RELN: variants seen among roughly 807,000 people sequenced by gnomAD.
RELN encodes reelin.
A neutral mutation model predicts 427.6 loss-of-function variants in RELN; 108 were observed. The observed-to-expected ratio is 0.25, with a 90% CI of 0.22 to 0.30. The LOEUF (loss-of-function observed/expected upper bound fraction) is 0.30, where lower values mean the gene tolerates loss of function less well. Among genes scored for constraint, RELN ranks in the 10% least tolerant of loss-of-function variants. RELN has a pLI of 1.00. For missense variants in RELN, 3,715 were observed against 4,302.8 expected (o/e 0.86, Z 3.82); for synonymous variants, 1,524 against 1,513.4 (o/e 1.01, Z -0.16).
chr7:103,857,419 T>A (rs1409268316), intron 2 of RELN, among the ~76,000 whole-genome samples: 1 of 152,220 alleles, frequency 6.6e-6, no homozygotes, highest in African/African-American at 2.4e-5. Flanking sequence ...TTGCCCTCTT[T>A]TAAGCAGACT....
chr7:103,769,311 T>A (rs1234757484), intron 4 of RELN, among the ~76,000 whole-genome samples: 1 of 152,160 alleles, frequency 6.6e-6, no homozygotes, highest in Non-Finnish European at 1.5e-5. Flanking sequence ...AAGGTCCTTA[T>A]TAAGGAGGTT....
At chr7:103,763,108 T>G (rs961670068) in intron 4 of RELN, among the ~76,000 whole-genome samples, 1 of 152,168 alleles carries the variant, frequency 6.6e-6, no homozygotes, top group Non-Finnish European at 1.5e-5. Context: ...TACAGGACAG[T>G]GAGCAATAAA....
At chr7:103,980,228 T>C (rs1796964045) in intron 1 of RELN, among the ~76,000 whole-genome samples, 1 of 151,886 alleles carries the variant, frequency 6.6e-6, no homozygotes, top group African/African-American at 2.4e-5. Context: ...TTTAAAAAGG[T>C]TGTAAATCAC....
intron 1 of RELN, among the ~76,000 whole-genome samples, chr7:103,924,679 G>C (rs899263369): frequency 2.6e-5 from 4 of 152,128 alleles, no homozygotes; most frequent in Admixed American, 6.5e-5. Flanking sequence ...TACTGATTCA[G>C]AGATTCAGAT....
intron 2 of RELN, among the ~76,000 whole-genome samples, chr7:103,911,203 A>G (rs1220285154): frequency 5.7e-5 from 8 of 140,824 alleles, no homozygotes; most frequent in African/African-American, 2.0e-4. Flanking sequence ...GAGCATGAAC[A>G]GACACTTCTC....
intron 6 of RELN, among the ~76,000 whole-genome samples, chr7:103,740,171 T>G (rs1181650156): frequency 6.6e-6 from 1 of 152,162 alleles, no homozygotes; most frequent in African/African-American, 2.4e-5. Flanking sequence ...CAGAGTTGAC[T>G]GAAATTAAGT....
intron 4 of RELN, among the ~76,000 whole-genome samples, chr7:103,767,897 C>A (rs1048952852): frequency 6.6e-5 from 10 of 152,200 alleles, no homozygotes; most frequent in Admixed American, 5.2e-4. Flanking sequence ...AGCCTCTTCC[C>A]CCCTCCATCC....
intron 30 of RELN, among the ~76,000 whole-genome samples, 184 bp from the exon 31 acceptor site, chr7:103,572,444 G>A (rs1277675160): frequency 6.6e-6 from 1 of 152,152 alleles, no homozygotes; most frequent in Non-Finnish European, 1.5e-5. Flanking sequence ...CCATTTAGAA[G>A]AAGTTAATTA....
intron 16 of RELN, among the ~76,000 whole-genome samples, chr7:103,648,463 T>C (rs1832842077): frequency 6.6e-6 from 1 of 152,090 alleles, no homozygotes; most frequent in African/African-American, 2.4e-5. Flanking sequence ...GGTAGTTCTT[T>C]ATAGCAGTGC....
At chr7:103,631,940 T>A (rs1384208676) in intron 19 of RELN, among the ~76,000 whole-genome samples, 2 of 152,254 alleles carry the variant, frequency 1.3e-5, no homozygotes, top group East Asian at 3.9e-4. Flanking sequence ...TAATATTCTC[T>A]CTCATGAAAA....
chr7:103,796,664 C>A (rs1358916317), intron 3 of RELN, among the ~76,000 whole-genome samples: 3 of 151,990 alleles, frequency 2.0e-5, no homozygotes, highest in African/African-American at 7.2e-5. Context: ...AGGCCAGGAC[C>A]AGCCTGGCCA....
chr7:103,951,050 C>T (rs1283161944), intron 1 of RELN, among the ~76,000 whole-genome samples: 1 of 152,192 alleles, frequency 6.6e-6, no homozygotes, highest in Non-Finnish European at 1.5e-5. Context: ...CTACCTCAGC[C>T]TCCTGAGTAG....
At chr7:103,663,614 CCTTGTA>C (rs1478168787) in intron 11 of RELN, among the ~76,000 whole-genome samples, 5 of 152,170 alleles carry the variant, frequency 3.3e-5, no homozygotes, top group African/African-American at 1.2e-4. Context: ...CTCAAAGTCC[CCTTGTA>C]CTTGTACTTA....
At chr7:103,917,051 T>A (rs749455359) in intron 2 of RELN, 24 bp downstream of exon 2, 2 of 1,560,450 alleles carry the variant, frequency 1.3e-6, no homozygotes, top group South Asian at 2.2e-5. Context: ...ACCCCCAAAT[T>A]TCTGGTTTGT....
At chr7:103,777,305 T>G (rs1584485054) in intron 3 of RELN, among the ~76,000 whole-genome samples, 1 of 152,152 alleles carries the variant, frequency 6.6e-6, no homozygotes, top group East Asian at 1.9e-4. Context: ...TAATTATGCT[T>G]TATATATGAA....
chr7:103,909,858 C>A (rs979921714), intron 2 of RELN, among the ~76,000 whole-genome samples: 4 of 114,516 alleles, frequency 3.5e-5, no homozygotes, highest in Non-Finnish European at 3.2e-5. Flanking sequence ...TTAAATAATT[C>A]ATTTTGTAAT....
intron 41 of RELN, among the ~76,000 whole-genome samples, chr7:103,547,377 A>G (rs894515367): frequency 1.3e-5 from 2 of 152,104 alleles, no homozygotes; most frequent in African/African-American, 4.8e-5. Flanking sequence ...GCTCACTGCA[A>G]CCTCCACCTC....
At chr7:103,963,906 T>C (rs756385070) in intron 1 of RELN, among the ~76,000 whole-genome samples, 3 of 152,176 alleles carry the variant, frequency 2.0e-5, no homozygotes, top group Non-Finnish European at 4.4e-5. Flanking sequence ...CTCATGTCTG[T>C]AATCCCAACA....
At chr7:103,978,166 T>A (rs2116835796) in intron 1 of RELN, among the ~76,000 whole-genome samples, 1 of 152,336 alleles carries the variant, frequency 6.6e-6, no homozygotes, top group Non-Finnish European at 1.5e-5. Context: ...ACAATAGATC[T>A]CTTGAATGTA....
Sources: allele counts gnomAD v4.1 joint callset (sites outside exome capture counted in the v4.1 genomes callset), GRCh38; gene constraint gnomAD v4.1.1; transcripts MANE v1.5; gene names NCBI Gene and HGNC (gene_info 2026-07-23, HGNC 2026-07-21).